AGTPBP1: variants seen among roughly 807,000 people sequenced by gnomAD.
AGTPBP1 encodes cytosolic carboxypeptidase 1.
A neutral mutation model predicts 143.9 loss-of-function variants in AGTPBP1; 70 were observed. That is an observed-to-expected ratio of 0.49 (90% confidence interval 0.40 to 0.59). The LOEUF is 0.59. Among genes scored for constraint, AGTPBP1 ranks in the 20% least tolerant of loss-of-function variants. The pLI, the probability that AGTPBP1 is intolerant of heterozygous loss-of-function variation, is 0.00. For synonymous variants in AGTPBP1, 463 were observed against 500.2 expected (o/e 0.93, Z 0.99); for missense variants, 1,229 against 1,464.5 (o/e 0.84, Z 2.62).
chr9:85,742,027 C>T, upstream of AGTPBP1: 1 of 1,199,034 alleles, frequency 8.3e-7, no homozygotes. Context: ...CCAGCACGCG[C>T]AGGGAGTGGG....
chr9:85,796,040 C>CAT, the AGTPBP1 span, among the ~76,000 whole-genome samples: 2 of 151,864 alleles, frequency 1.3e-5, no homozygotes, highest in South Asian at 2.1e-4. Context: ...GTAAGGAATG[C>CAT]ATATGAGAAT....
At chr9:85,652,357 TA>T (rs1833217407) in intron 11 of AGTPBP1, among the ~76,000 whole-genome samples, 1 of 151,666 alleles carries the variant, frequency 6.6e-6, no homozygotes, top group Non-Finnish European at 1.5e-5. Flanking sequence ...AAAAAATACA[TA>T]AAAATTAGCT....
At chr9:85,566,437 G>A (rs553135426) in intron 25 of AGTPBP1, among the ~76,000 whole-genome samples, 2 of 150,732 alleles carry the variant, frequency 1.3e-5, no homozygotes, top group Admixed American at 1.3e-4. Flanking sequence ...GGCCGAGATG[G>A]GAGGACTGCT....
intron 5 of AGTPBP1, among the ~76,000 whole-genome samples, chr9:85,677,927 C>T (rs907613420): frequency 9.2e-5 from 14 of 152,128 alleles, no homozygotes; most frequent in African/African-American, 2.9e-4. Flanking sequence ...TCTCTTGAAC[C>T]TAGGAGGCAG....
chr9:85,609,670 A>G (rs1252700300), intron 17 of AGTPBP1, among the ~76,000 whole-genome samples: 3 of 152,184 alleles, frequency 2.0e-5, no homozygotes, highest in Non-Finnish European at 4.4e-5. Context: ...AGAGAAAAGC[A>G]AGATGGGCCT....
At chr9:85,770,195 A>G in the AGTPBP1 span, 2 of 841,012 alleles carry the variant, frequency 2.4e-6, no homozygotes, top group East Asian at 5.3e-5. Context: ...AATATCCATT[A>G]GACTCAAATA....
At chr9:85,640,601 A>G (rs901688748) in intron 13 of AGTPBP1, among the ~76,000 whole-genome samples, 3 of 152,250 alleles carry the variant, frequency 2.0e-5, no homozygotes, top group African/African-American at 4.8e-5. Flanking sequence ...AAACTGCTCT[A>G]GGAGCAGCCA....
chr9:85,731,511 G>A (rs1587998056), intron 1 of AGTPBP1, among the ~76,000 whole-genome samples: 1 of 152,038 alleles, frequency 6.6e-6, no homozygotes, highest in African/African-American at 2.4e-5. Flanking sequence ...CCAGGCTACA[G>A]TACAGTGGCA....
chr9:85,654,547 A>G (rs1833372502), intron 11 of AGTPBP1, among the ~76,000 whole-genome samples: 1 of 152,188 alleles, frequency 6.6e-6, no homozygotes, highest in Non-Finnish European at 1.5e-5. Flanking sequence ...CACTTTAAAA[A>G]CATACATAAG....
chr9:85,708,344 A>G (rs1837151183), intron 2 of AGTPBP1, among the ~76,000 whole-genome samples: 1 of 152,176 alleles, frequency 6.6e-6, no homozygotes, highest in Non-Finnish European at 1.5e-5. Flanking sequence ...CAATTTATTT[A>G]TATCTACACA....
intron 14 of AGTPBP1, among the ~76,000 whole-genome samples, chr9:85,628,074 A>C (rs1831414074): frequency 6.6e-6 from 1 of 152,246 alleles, no homozygotes; most frequent in Admixed American, 6.5e-5. Flanking sequence ...AATAACTTTC[A>C]AATACCAAAG....
chr9:85,588,599 C>A lies in AGTPBP1; in HGVS notation c.2723-121G>T, dbSNP rs185576478. 3.8e-3 allele frequency: 3,670 copies of A among 962,694 alleles called. 22 individuals carry two copies. The highest frequency in any genetic ancestry group is 3.3e-3 in the Non-Finnish European group (2,127 of 652,468). The allele number at this position is 962,694 out of a possible 1,614,324, so 59.6% of individuals were successfully genotyped here. A position where few individuals can be genotyped will look rare whatever the true frequency, so the allele number is the denominator to read the frequency against. ...GAATTCTAATATAAATTAATAGAAC[C>A]CAATGGTGCATCCTACAAGCACTGC... On this transcript the variant is annotated intron_variant, in intron 20 of 25. Transcript: ENST00000357081.
chr9:85,782,763 G>A, the AGTPBP1 span, among the ~76,000 whole-genome samples: 3 of 152,120 alleles, frequency 2.0e-5, no homozygotes, highest in African/African-American at 4.8e-5. Context: ...GGATAAAGAC[G>A]TGATACAAAC....
At chr9:85,730,575 A>T (rs557503290) in intron 1 of AGTPBP1, among the ~76,000 whole-genome samples, 38 of 152,250 alleles carry the variant, frequency 2.5e-4, no homozygotes, top group African/African-American at 8.9e-4. Flanking sequence ...GAGGTCTCTG[A>T]TGAGATACCT....
chr9:85,781,157 T>G, the AGTPBP1 span: 1 of 1,464,808 alleles, frequency 6.8e-7, no homozygotes, highest in Non-Finnish European at 9.0e-7. Context: ...TAATTTTGCA[T>G]CATTTATTTA....
intron 5 of AGTPBP1, among the ~76,000 whole-genome samples, chr9:85,677,855 T>C (rs1222229373): frequency 6.6e-6 from 1 of 151,876 alleles, no homozygotes; most frequent in Non-Finnish European, 1.5e-5. Context: ...AATACAAAAA[T>C]TAGCCAGGCA....
intron 15 of AGTPBP1, among the ~76,000 whole-genome samples, chr9:85,620,609 A>T (rs920177306): frequency 6.6e-6 from 1 of 152,090 alleles, no homozygotes; most frequent in Non-Finnish European, 1.5e-5. Flanking sequence ...TTATTTACTT[A>T]TATTTAAATC....
At chr9:85,622,706 A>G (rs766515797) in intron 14 of AGTPBP1, among the ~76,000 whole-genome samples, 3 of 152,216 alleles carry the variant, frequency 2.0e-5, no homozygotes, top group Non-Finnish European at 2.9e-5. Context: ...GTTTAATGTC[A>G]TAACTTTAAA....
intron 1 of AGTPBP1, among the ~76,000 whole-genome samples, chr9:85,714,156 T>C (rs1837554756): frequency 6.6e-6 from 1 of 152,196 alleles, no homozygotes; most frequent in Non-Finnish European, 1.5e-5. Context: ...ACCACAGGCA[T>C]TTCTCTCCTC....
Sources: gnomAD v4.1 joint callset for allele counts (sites outside exome capture counted in the v4.1 genomes callset) on GRCh38, gnomAD v4.1.1 for gene constraint, MANE v1.5 for transcripts, NCBI Gene and HGNC (gene_info 2026-07-23, HGNC 2026-07-21) for gene names.